Variants in MED13L observed in about 807,000 individuals in gnomAD.
MED13L encodes mediator of RNA polymerase II transcription subunit 13-like.
MED13L carries 7 observed loss-of-function variants against 220.9 expected under a neutral mutation model. The observed-to-expected ratio is 0.03, with a 90% CI of 0.02 to 0.06. The LOEUF (loss-of-function observed/expected upper bound fraction) is 0.06. MED13L is among the 10% of genes least tolerant of loss of function. MED13L has a pLI of 1.00. For missense variants in MED13L, 1,965 were observed against 2,760.5 expected, an observed-to-expected ratio of 0.71 and a Z score of 6.46; for synonymous variants, 1,011 against 1,015.2, an observed-to-expected ratio of 1.00 and a Z score of 0.08.
intron 3 of MED13L, among the ~76,000 whole-genome samples, chr12:116,100,816 A>G (rs1458604324): frequency 6.6e-6 from 1 of 152,080 alleles, no homozygotes; most frequent in Non-Finnish European, 1.5e-5. Flanking sequence ...CAGGGAGCTG[A>G]AGTGGACAGA....
Position 116,265,690 on chromosome 12 carries a change from T to G in MED13L, c.72+11370A>C, listed in dbSNP as rs995909768. Among the ~76,000 whole-genome samples the G allele has an allele frequency of 2.0e-5, 3 of 152,338 alleles. No individual in the cohort carries two copies. In the East Asian group the frequency reaches 5.8e-4, roughly 29 times the overall value. On this transcript the variant is annotated intron_variant, in intron 1 of 30. Transcript: ENST00000281928. ...CATCATTTCTTAATCTAAATTGGCC[T>G]GCCCACACTTCAAATTTTCCACCTA...
intron 19 of MED13L, 23 bp from the exon 20 acceptor site, chr12:115,984,395 T>C (rs747303811): frequency 6.2e-7 from 1 of 1,612,962 alleles, no homozygotes; most frequent in Non-Finnish European, 8.5e-7. Flanking sequence ...ACAAGATCAT[T>C]AGTTATAACA....
intron 23 of MED13L, among the ~76,000 whole-genome samples, chr12:115,980,272 T>C (rs1043645439): frequency 2.6e-5 from 4 of 152,232 alleles, no homozygotes; most frequent in Non-Finnish European, 4.4e-5. Context: ...CAAAAATGTT[T>C]TAAAGTTCAG....
intron 4 of MED13L, among the ~76,000 whole-genome samples, chr12:116,045,885 T>C (rs1881803031): frequency 6.6e-6 from 1 of 151,888 alleles, no homozygotes; most frequent in African/African-American, 2.4e-5. Flanking sequence ...TAGATAAATA[T>C]ATATATATTT....
intron 4 of MED13L, among the ~76,000 whole-genome samples, chr12:116,074,594 G>C (rs555780202): frequency 1.3e-4 from 20 of 152,252 alleles, no homozygotes; most frequent in Admixed American, 1.0e-3. Context: ...AAAGCAAATT[G>C]TATCTTCTGA....
intron 2 of MED13L, among the ~76,000 whole-genome samples, chr12:116,179,690 C>CTTT (rs11431574): frequency 6.7e-6 from 1 of 148,292 alleles, no homozygotes; most frequent in East Asian, 2.0e-4. Context: ...AGTGAATAAC[C>CTTT]TTTTTTTTTT....
intron 13 of MED13L, among the ~76,000 whole-genome samples, chr12:116,003,943 A>G (rs1308138807): frequency 6.6e-6 from 1 of 152,244 alleles, no homozygotes; most frequent in Non-Finnish European, 1.5e-5. Flanking sequence ...ATCAGAGTAA[A>G]GCAAAAACAC....
rs1216137920 is a variant in MED13L, at chr12:115,975,297, C to T, written c.5605G>A (p.Val1869Ile). 1 of 1,614,086 alleles carries T rather than the reference C, an allele frequency of 6.2e-7. No individual in the cohort carries two copies. Among genetic ancestry groups the T allele is most frequent in the Admixed American group, 1.7e-5 (1 of 60,016 alleles). Residue 1869 changes from valine (V) to isoleucine (I), a missense_variant, in exon 25 of 31, where the codon GTA becomes ATA. Coordinates refer to ENST00000281928, the MANE Select transcript of MED13L (RefSeq NM_015335.5). The part of the protein sequence containing the change: ...ALPNRSRRSK[V>I]SARKIGLQKL... ...TGTAGTCCAATTTTACGTGCAGATA[C>T]TTTACTCCTCCGTGACCTAACAAAT...
At chr12:116,033,064 A>T (rs748732551) in intron 4 of MED13L, among the ~76,000 whole-genome samples, 4 of 151,044 alleles carry the variant, frequency 2.6e-5, no homozygotes, top group Non-Finnish European at 4.4e-5. Context: ...ACTGTGGTGT[A>T]TGAGTTTGAT....
At chr12:115,962,232 G>A (rs904183420) in intron 30 of MED13L, among the ~76,000 whole-genome samples, 11 of 152,144 alleles carry the variant, frequency 7.2e-5, no homozygotes, top group South Asian at 2.1e-4. Flanking sequence ...GACCAGTTTC[G>A]TGGAAGACAA....
At chr12:116,148,074 AG>A (rs1877695506) in intron 2 of MED13L, among the ~76,000 whole-genome samples, 2 of 98,310 alleles carry the variant, frequency 2.0e-5, no homozygotes, top group African/African-American at 3.9e-5. Context: ...AAAAAAAAAA[AG>A]AGGGGGGCGG....
At chr12:115,962,176 C>T (rs1183758573) in intron 30 of MED13L, among the ~76,000 whole-genome samples, 2 of 152,104 alleles carry the variant, frequency 1.3e-5, no homozygotes, top group Non-Finnish European at 2.9e-5. Context: ...TTCTATTGGA[C>T]AGTGTTCCTC....
chr12:116,093,678 A>G (rs1872432785), intron 4 of MED13L, among the ~76,000 whole-genome samples: 1 of 152,050 alleles, frequency 6.6e-6, no homozygotes, highest in Admixed American at 6.5e-5. Context: ...AGCATATACT[A>G]TCTATATGCT....
At chr12:116,175,363 C>G (rs994019908) in intron 2 of MED13L, among the ~76,000 whole-genome samples, 1 of 152,200 alleles carries the variant, frequency 6.6e-6, no homozygotes, top group East Asian at 1.9e-4. Flanking sequence ...CATACCCACA[C>G]CCCCTTCCCT....
intron 16 of MED13L, among the ~76,000 whole-genome samples, chr12:115,994,723 G>A (rs1016467283): frequency 6.6e-6 from 1 of 152,210 alleles, no homozygotes; most frequent in Non-Finnish European, 1.5e-5. Flanking sequence ...TATGTGCTAA[G>A]CTAACCCCTT....
At chr12:116,181,300 A>C (rs949490606) in intron 2 of MED13L, 1 of 152,142 alleles carries the variant, frequency 6.6e-6, no homozygotes, top group Admixed American at 6.5e-5. Context: ...CTTTAAAAAA[A>C]AAAAAGTCGG....
intron 4 of MED13L, among the ~76,000 whole-genome samples, chr12:116,090,911 G>A (rs1872143208): frequency 1.3e-5 from 2 of 152,080 alleles, no homozygotes; most frequent in Non-Finnish European, 1.5e-5. Context: ...GATCACGTGA[G>A]GTCAAGAGTT....
At chr12:116,054,490 A>G (rs1218580918) in intron 4 of MED13L, among the ~76,000 whole-genome samples, 1 of 152,236 alleles carries the variant, frequency 6.6e-6, no homozygotes, top group Non-Finnish European at 1.5e-5. Flanking sequence ...TAGAACTCCA[A>G]GAGTACAACT....
At position 116,237,565 on chromosome 12, in the gene MED13L, T is replaced by C; in HGVS notation, c.213A>G (p.Val71=). The part of the protein sequence containing the change: ...IRCLQANLLC[V]WRRDVKPDCK... ...AATCTGGTTTGACATCACGACGCCA[T>C]ACACAAAGCAGGTTAGCTTGCAGAC... The change falls in exon 2 of 31, where the codon GTA becomes GTG. Residue 71 remains valine (V), a synonymous_variant. Coordinates refer to ENST00000281928, the MANE Select transcript of MED13L (RefSeq NM_015335.5). 6.2e-7 allele frequency: 1 copy of C among 1,614,186 alleles called. No individual in the cohort carries two copies. Among genetic ancestry groups the C allele is most frequent in the Non-Finnish European group, 8.5e-7 (1 of 1,180,042 alleles).
Sources: allele counts gnomAD v4.1 joint callset (sites outside exome capture counted in the v4.1 genomes callset), GRCh38; gene constraint gnomAD v4.1.1; transcripts MANE v1.5; gene names NCBI Gene and HGNC (gene_info 2026-07-23, HGNC 2026-07-21).